Variants in RWDD4 observed in about 807,000 individuals in gnomAD.
RWDD4 encodes RWD domain containing 4.
Under a neutral mutation model 30.0 loss-of-function variants are expected in RWDD4, and 16 were observed. The ratio of observed to expected loss-of-function variants is 0.53; its 90% CI spans 0.36 to 0.81. The LOEUF (loss-of-function observed/expected upper bound fraction) is 0.81, where lower values mean the gene tolerates loss of function less well. Ranked by LOEUF, RWDD4 falls within the 30% of genes least tolerant of loss-of-function variation. The probability of loss-of-function intolerance (pLI) is 0.00; values close to 1 mark genes in which losing one functional copy is unlikely to be tolerated. For missense variants in RWDD4, 170 were observed against 223.9 expected, an observed-to-expected ratio of 0.76 and a Z score of 1.54; for synonymous variants, 45 against 72.1, an observed-to-expected ratio of 0.62 and a Z score of 1.90.
At chr4:183,653,608 C>T (rs1734126024) in intron 2 of RWDD4, 1 of 152,134 alleles carries the variant, frequency 6.6e-6, no homozygotes, top group African/African-American at 2.4e-5. Context: ...ACATCTCATC[C>T]TTACACAGGG....
At chr4:183,646,737 T>C (rs891684893) in intron 5 of RWDD4, among the ~76,000 whole-genome samples, 200 bp from the exon 6 acceptor site, 4 of 152,226 alleles carry the variant, frequency 2.6e-5, no homozygotes, top group African/African-American at 9.6e-5. Flanking sequence ...TATACTCCTT[T>C]TTTACATTTA....
chr4:183,642,046 T>C (rs2111225480), intron 7 of RWDD4, among the ~76,000 whole-genome samples: 1 of 152,256 alleles, frequency 6.6e-6, no homozygotes, highest in East Asian at 1.9e-4. Flanking sequence ...ATCAGACTAC[T>C]GCTCCAACTA....
chr4:183,643,994 C>T (rs1249245231), intron 7 of RWDD4, among the ~76,000 whole-genome samples: 1 of 152,192 alleles, frequency 6.6e-6, no homozygotes, highest in Non-Finnish European at 1.5e-5. Context: ...TTGAATTTTA[C>T]TCTTTGTTAC....
intron 2 of RWDD4, among the ~76,000 whole-genome samples, chr4:183,652,140 C>T (rs2111244799): frequency 6.6e-6 from 1 of 152,216 alleles, no homozygotes; most frequent in Non-Finnish European, 1.5e-5. Context: ...TCTTCATAAC[C>T]ACAAGATCAT....
In RWDD4 at chr4:183,650,004, G is replaced by A. The variant is rs1037829541; in HGVS notation, c.364-436C>T. Among the ~76,000 whole-genome samples the A allele has an allele frequency of 1.1e-4, 17 of 152,142 alleles. No homozygotes were observed. In the East Asian group the frequency reaches 2.7e-3, roughly 24 times the overall value. The stretch of plus-strand genomic sequence containing the variant: ...GCCTACCTAGAACATCCTGGTTCCC[G>A]GAAGAAAAATTTTAAGACACATGGG... On this transcript the variant is annotated intron_variant, in intron 4 of 7. Coordinates refer to ENST00000326397, the MANE Select transcript of RWDD4 (RefSeq NM_152682.4).
At chr4:183,642,713 TG>T (rs1733882897) in intron 7 of RWDD4, among the ~76,000 whole-genome samples, 1 of 152,156 alleles carries the variant, frequency 6.6e-6, no homozygotes, top group Non-Finnish European at 1.5e-5. Context: ...GTATTAGTGA[TG>T]GCATCATCAA....
intron 5 of RWDD4, among the ~76,000 whole-genome samples, chr4:183,647,046 A>G (rs890507208): frequency 3.3e-5 from 5 of 152,260 alleles, no homozygotes; most frequent in African/African-American, 9.6e-5. Context: ...TGATCTGATA[A>G]CATATTCATT....
In RWDD4 at chr4:183,651,043, C is replaced by T. The variant is rs747453048; in HGVS notation, c.304G>A (p.Glu102Lys). 1.6e-5 allele frequency: 26 copies of T among 1,613,430 alleles called. No homozygotes were observed. In the South Asian group the frequency reaches 2.9e-4, roughly 18 times the overall value. Residue 102 changes from glutamate to lysine, a missense_variant, in exon 4 of 8, where the codon GAA (glutamate) becomes AAA (lysine). Coordinates refer to ENST00000326397, the MANE Select transcript of RWDD4 (RefSeq NM_152682.4). ...TGCTCTTTATTGTCTTTGGCATATT[C>T]AAACAATGTATAGGTCATAGCGGTT... ...LGTAMTYTLF[E>K]YAKDNKEQFM...
intron 7 of RWDD4, among the ~76,000 whole-genome samples, chr4:183,644,323 C>T (rs1733925003): frequency 1.3e-5 from 2 of 152,202 alleles, no homozygotes; most frequent in South Asian, 4.1e-4. Context: ...GTATCTTACA[C>T]AGGGGAGGAA....
intron 5 of RWDD4, among the ~76,000 whole-genome samples, chr4:183,647,064 C>T (rs1477326389): frequency 1.3e-5 from 2 of 152,208 alleles, no homozygotes; most frequent in African/African-American, 4.8e-5. Flanking sequence ...ATTATTTAAT[C>T]TAACATTCTT....
intron 4 of RWDD4, among the ~76,000 whole-genome samples, chr4:183,650,669 C>T (rs556487692): frequency 6.6e-6 from 1 of 152,180 alleles, no homozygotes; most frequent in South Asian, 2.1e-4. Flanking sequence ...CATAAGAGAT[C>T]CCTTAGCTGT....
intron 7 of RWDD4, among the ~76,000 whole-genome samples, chr4:183,644,689 G>C (rs541427300): frequency 6.6e-6 from 1 of 152,022 alleles, no homozygotes; most frequent in African/African-American, 2.4e-5. Flanking sequence ...TGTGGCACAA[G>C]AATTGCTTGA....
At chr4:183,655,374 C>A (rs959609080) in intron 2 of RWDD4, among the ~76,000 whole-genome samples, 1 of 151,088 alleles carries the variant, frequency 6.6e-6, no homozygotes, top group Non-Finnish European at 1.5e-5. Context: ...CTCTGCCTCC[C>A]GGGTTCACGC....
intron 7 of RWDD4, among the ~76,000 whole-genome samples, chr4:183,643,415 CAAAAAAAAAAAA>C (rs56730708): frequency 2.2e-3 from 49 of 22,670 alleles, no homozygotes; most frequent in African/African-American, 6.8e-3. Flanking sequence ...GACTCTATCT[CAAAAAAAAAAAA>C]AAAAAAAAAA....
At chr4:183,647,900 C>T (rs1441764669) in intron 5 of RWDD4, among the ~76,000 whole-genome samples, 1 of 152,044 alleles carries the variant, frequency 6.6e-6, no homozygotes, top group Admixed American at 6.6e-5. Flanking sequence ...TTAAACAAAA[C>T]ATAAACCACA....
intron 7 of RWDD4, among the ~76,000 whole-genome samples, chr4:183,641,986 T>C (rs1416984511): frequency 6.6e-6 from 1 of 151,832 alleles, no homozygotes; most frequent in Non-Finnish European, 1.5e-5. Context: ...TTGGCAGGGG[T>C]TGGCAAATTT....
At chr4:183,650,953 G>A (rs1018516815) in intron 4 of RWDD4, 31 bp downstream of exon 4, 3 of 1,589,590 alleles carry the variant, frequency 1.9e-6, no homozygotes, top group African/African-American at 1.4e-5. Context: ...AACAACAAAA[G>A]AATCCGGCAA....
At position 183,651,273 on chromosome 4, in the gene RWDD4, T is replaced by C. The variant is rs376604061; in HGVS notation, c.160A>G (p.Thr54Ala). ...AGAATTGGAGGTGTTTGGGGATATG[T>C]TTCTGTCCAGGAAATCTCTATTAAG... is the stretch of plus-strand genomic sequence containing the variant. ...AFLIEISWTE[T>A]YPQTPPILSM... The change falls in exon 3 of 8, where the codon ACA becomes GCA. Residue 54 changes from threonine (T) to alanine (A), a missense_variant. Physicochemically the swap from Thr to Ala is moderately conservative, Grantham distance 58. Transcript: ENST00000326397. 3.9e-5 allele frequency: 63 copies of C among 1,612,766 alleles called. No individual in the cohort carries two copies. The highest frequency in any genetic ancestry group is 5.3e-5 in the Non-Finnish European group (62 of 1,179,978).
intron 7 of RWDD4, among the ~76,000 whole-genome samples, chr4:183,642,621 ATGC>A (rs145417016): frequency 0.024 from 3,631 of 152,258 alleles, 91 homozygotes; most frequent in African/African-American, 0.064. Flanking sequence ...CTGGGTTAAT[ATGC>A]ACATCCTCAA....
Sources: gnomAD v4.1 joint callset for allele counts (sites outside exome capture counted in the v4.1 genomes callset) on GRCh38, gnomAD v4.1.1 for gene constraint, MANE v1.5 for transcripts, NCBI Gene and HGNC (gene_info 2026-07-23, HGNC 2026-07-21) for gene names.